Variants in GNG7 observed in about 807,000 individuals in gnomAD.
The protein encoded by GNG7 is G protein subunit gamma 7.
Under a neutral mutation model 4.0 loss-of-function variants are expected in GNG7, and 1 was observed. The observed-to-expected ratio is 0.25, with a 90% CI of 0.09 to 1.18. The LOEUF (loss-of-function observed/expected upper bound fraction) is 1.18, where lower values mean the gene tolerates loss of function less well. Ranked by LOEUF, GNG7 falls within the 50% of genes most tolerant of loss-of-function variation. The pLI, the probability that GNG7 is intolerant of heterozygous loss-of-function variation, is 0.50. For missense variants in GNG7, 86 were observed against 91.9 expected, an observed-to-expected ratio of 0.94 and a Z score of 0.26; for synonymous variants, 34 against 36.9, an observed-to-expected ratio of 0.92 and a Z score of 0.29.
At position 2,518,250 on chromosome 19, in the gene GNG7, G is replaced by A. The variant is rs545947640; in HGVS notation, c.81+2358C>T. 4.8e-3 allele frequency among the ~76,000 whole-genome samples: 712 copies of A among 147,868 alleles called. 4 individuals carry two copies. Among genetic ancestry groups the A allele is most frequent in the African/African-American group, 0.017 (666 of 39,794 alleles). On this transcript the variant is annotated intron_variant, in intron 4 of 4. Coordinates refer to ENST00000382159, the MANE Select transcript of GNG7 (RefSeq NM_052847.3). ...GACGGGTCAAATCCTGGCTCCCCCC[G>A]AGGCCCGACATTCAAAGGGGCGGTG... is the stretch of plus-strand genomic sequence containing the variant.
At chr19:2,553,719 CAT>C (rs1979434935) in intron 3 of GNG7, among the ~76,000 whole-genome samples, 1 of 148,194 alleles carries the variant, frequency 6.7e-6, no homozygotes, top group South Asian at 2.1e-4. Context: ...TAATATATTA[CAT>C]ATATGTACAT....
chr19:2,522,244 C>A (rs1362648478), intron 3 of GNG7, among the ~76,000 whole-genome samples: 1 of 152,136 alleles, frequency 6.6e-6, no homozygotes, highest in Admixed American at 6.5e-5. Flanking sequence ...CCTAGAGAAA[C>A]CTGCTTCGTA....
At chr19:2,666,066 A>T (rs1983302637) in intron 1 of GNG7, among the ~76,000 whole-genome samples, 1 of 152,138 alleles carries the variant, frequency 6.6e-6, no homozygotes. Flanking sequence ...GGGTTTCACC[A>T]TGTTGGTCAG....
At chr19:2,678,184 C>CT (rs978706070) in intron 1 of GNG7, among the ~76,000 whole-genome samples, 6 of 151,168 alleles carry the variant, frequency 4.0e-5, no homozygotes, top group African/African-American at 1.5e-4. Flanking sequence ...GACGCCAACA[C>CT]TGTCACAGCA....
At chr19:2,585,867 T>C (rs1344284175) in intron 2 of GNG7, among the ~76,000 whole-genome samples, 3 of 151,946 alleles carry the variant, frequency 2.0e-5, no homozygotes, top group Non-Finnish European at 4.4e-5. Flanking sequence ...CGCCCGGCTA[T>C]TTTTTTGTAT....
intron 1 of GNG7, among the ~76,000 whole-genome samples, chr19:2,648,521 T>G (rs1290126615): frequency 1.3e-5 from 2 of 152,148 alleles, no homozygotes; most frequent in Admixed American, 1.3e-4. Context: ...AAATTAAAAG[T>G]TCATTTAAAA....
At chr19:2,541,941 G>A (rs2144748351) in intron 3 of GNG7, among the ~76,000 whole-genome samples, 1 of 151,606 alleles carries the variant, frequency 6.6e-6, no homozygotes, top group South Asian at 2.1e-4. Context: ...AATAAGAAAG[G>A]CTGATCAGGG....
At chr19:2,594,463 G>C (rs906266964) in intron 2 of GNG7, among the ~76,000 whole-genome samples, 1 of 148,676 alleles carries the variant, frequency 6.7e-6, no homozygotes, top group Non-Finnish European at 1.5e-5. Context: ...GAAAGAAACT[G>C]CAAATTTAAA....
At chr19:2,605,098 T>TC (rs1981337336) in intron 2 of GNG7, among the ~76,000 whole-genome samples, 1 of 152,224 alleles carries the variant, frequency 6.6e-6, no homozygotes, top group Non-Finnish European at 1.5e-5. Context: ...CTCCTCCAGC[T>TC]TCTGGGGCCT....
chr19:2,661,981 C>A (rs1161333431), intron 1 of GNG7, among the ~76,000 whole-genome samples: 1 of 152,094 alleles, frequency 6.6e-6, no homozygotes, highest in East Asian at 1.9e-4. Flanking sequence ...TCAACATGGC[C>A]AGGTGCAGTG....
At chr19:2,659,018 GGA>G (rs1983067701) in intron 1 of GNG7, among the ~76,000 whole-genome samples, 1 of 150,554 alleles carries the variant, frequency 6.6e-6, no homozygotes, top group African/African-American at 2.5e-5. Flanking sequence ...CACCCAGGCT[GGA>G]GGGCAGTGGC....
intron 1 of GNG7, among the ~76,000 whole-genome samples, chr19:2,651,573 CTCTT>C (rs1222424320): frequency 7.2e-6 from 1 of 138,916 alleles, no homozygotes; most frequent in Admixed American, 7.3e-5. Context: ...CTCTCTCTCT[CTCTT>C]TTTTTTTTAA....
chr19:2,681,683 C>A (rs1460043488), intron 1 of GNG7, among the ~76,000 whole-genome samples: 3 of 152,188 alleles, frequency 2.0e-5, no homozygotes, highest in African/African-American at 7.2e-5. Context: ...ACTTCAGGAA[C>A]TGCCAGGCTG....
At chr19:2,662,623 T>C (rs906799520) in intron 1 of GNG7, among the ~76,000 whole-genome samples, 2 of 152,214 alleles carry the variant, frequency 1.3e-5, no homozygotes, top group African/African-American at 4.8e-5. Context: ...GGATGAGGTA[T>C]AGGGAAGAAG....
Position 2,513,391 on chromosome 19 carries a change from G to T in GNG7, c.*1631C>A, listed in dbSNP as rs887008192. The T allele has an allele frequency of 1.6e-6, 1 of 634,358 alleles. No homozygotes were observed. Among genetic ancestry groups the T allele is most frequent in the Non-Finnish European group, 2.0e-6 (1 of 509,268 alleles). 39.3% of individuals were successfully genotyped at this position (634,358 alleles called of 1,614,324 possible). A position where few individuals can be genotyped will look rare whatever the true frequency, so the allele number is the denominator to read the frequency against. ...GGGTCGGGGCGGCCAGGCCTCCTGC[G>T]ATCAGGGCTGCGTGGGGTCCATCTC... On this transcript the variant is annotated 3_prime_UTR_variant, in exon 5 of 5. Transcript: ENST00000382159.
intron 2 of GNG7, among the ~76,000 whole-genome samples, chr19:2,596,211 T>G (rs1233469331): frequency 6.6e-6 from 1 of 151,824 alleles, no homozygotes; most frequent in Non-Finnish European, 1.5e-5. Context: ...ATACAAAAAT[T>G]AGCCGGGTGC....
rs1239876056 is a variant in GNG7 at position 2,633,206 on chromosome 19, G to C, written c.-78+13018C>G. ...GCATCCAACGGGCCTCATCATTGCT[G>C]TCCTGGGCAATGGACTCTGACCCCT... is the stretch of plus-strand genomic sequence containing the variant. On this transcript the variant is annotated intron_variant, in intron 2 of 4. Transcript: ENST00000382159. The surrounding 1 kb of genome is among the most constrained non-coding windows in gnomAD (Gnocchi z 5.9). 6.6e-6 allele frequency among the ~76,000 whole-genome samples: 1 copy of C among 152,212 alleles called. No individual in the cohort carries two copies.
chr19:2,677,227 G>A (rs1983615823), intron 1 of GNG7, among the ~76,000 whole-genome samples: 1 of 151,410 alleles, frequency 6.6e-6, no homozygotes, highest in Non-Finnish European at 1.5e-5. Context: ...CCATCAACAG[G>A]ATGCCACAGG....
rs186098131 is a variant in GNG7 at position 2,513,356 on chromosome 19, C to T, written c.*1666G>A. On this transcript the variant is annotated 3_prime_UTR_variant, in exon 5 of 5. Transcript: ENST00000382159. ...TTCTACTACTTGCTTCTAGGCCAGC[C>T]CCGTGGAGGGGGTCGGGGCGGCCAG... 2.0e-5 allele frequency: 8 copies of T among 394,846 alleles called. No individual in the cohort carries two copies. In the East Asian group the frequency reaches 1.1e-3, roughly 56 times the overall value. 24.5% of individuals were successfully genotyped at this position (394,846 alleles called of 1,614,324 possible).
Sources: allele counts gnomAD v4.1 joint callset (sites outside exome capture counted in the v4.1 genomes callset), GRCh38; gene constraint gnomAD v4.1.1; non-coding constraint Gnocchi (gnomAD v3.1); transcripts MANE v1.5; gene names NCBI Gene and HGNC (gene_info 2026-07-23, HGNC 2026-07-21).